Variants in ATP2A2 observed in about 807,000 individuals in gnomAD.
ATP2A2 encodes the protein sarcoplasmic/endoplasmic reticulum calcium ATPase 2.
A neutral mutation model predicts 109.3 loss-of-function variants in ATP2A2; 14 were observed. The observed-to-expected ratio is 0.13, with a 90% CI of 0.08 to 0.20. The LOEUF (loss-of-function observed/expected upper bound fraction) is 0.20, where lower values mean the gene tolerates loss of function less well. Among genes scored for constraint, ATP2A2 ranks in the 10% least tolerant of loss-of-function variants. The pLI, the probability that ATP2A2 is intolerant of heterozygous loss-of-function variation, is 1.00. For missense variants in ATP2A2, 657 were observed against 1,321.6 expected (o/e 0.50, Z 7.80); for synonymous variants, 506 against 490.9 (o/e 1.03, Z -0.41).
chr12:110,347,126 C>G lies in ATP2A2; in HGVS notation c.*656C>G. The G allele has an allele frequency of 8.5e-7, 1 of 1,171,322 alleles. No individual in the cohort carries two copies. The highest frequency in any genetic ancestry group is 1.6e-5 in the African/African-American group (1 of 61,684). 72.6% of individuals were successfully genotyped at this position (1,171,322 alleles called of 1,614,324 possible). A position where few individuals can be genotyped will look rare whatever the true frequency, so the allele number is the denominator to read the frequency against. On this transcript the variant is annotated 3_prime_UTR_variant, in exon 20 of 20. Transcript: ENST00000539276. Reference sequence around the variant, plus strand: ...ACATCAGTTTTAACGAGAGGTATGCCTGTACTCGCTTGTGCAGAAAACATT... The same window carrying G: ...ACATCAGTTTTAACGAGAGGTATGCGTGTACTCGCTTGTGCAGAAAACATT...
Position 110,315,908 on chromosome 12 carries a change from C to T in ATP2A2, c.464-7084C>T, listed in dbSNP as rs546865853. Reference sequence around the variant, plus strand: ...GAGCTGAGATCACGCCACTGTGCTCCAGCCTGGGTGACAGAGCAAACAAAC... The same window carrying T: ...GAGCTGAGATCACGCCACTGTGCTCTAGCCTGGGTGACAGAGCAAACAAAC... On this transcript the variant is annotated intron_variant, in intron 5 of 19. Transcript: ENST00000539276. 7.4e-4 allele frequency among the ~76,000 whole-genome samples: 112 copies of T among 152,300 alleles called. 1 individual carries two copies. The South Asian group carries it at 0.01, about 14-fold the overall frequency.
At chr12:110,344,804 T>G in intron 16 of ATP2A2, 82 bp from the exon 17 acceptor site, 3 of 1,349,938 alleles carry the variant, frequency 2.2e-6, no homozygotes, top group African/African-American at 1.4e-5. Context: ...ATCTTCGTCC[T>G]TGTGGGGACT....
At chr12:110,338,363 G>C (rs928924062) in intron 11 of ATP2A2, among the ~76,000 whole-genome samples, 1 of 152,236 alleles carries the variant, frequency 6.6e-6, no homozygotes, top group Non-Finnish European at 1.5e-5. Context: ...CAGAGTTCTG[G>C]TGGACAGCTC....
Position 110,333,458 on chromosome 12 carries a change from G to A in ATP2A2, c.1287+175G>A, listed in dbSNP as rs189317521. On this transcript the variant is annotated intron_variant, in intron 10 of 19. Transcript: ENST00000539276. ...CAGCATGACCTCACCAAAGAAAGCT[G>A]AGAGCCTTTCACATATCCTCTGTGA... Among the ~76,000 whole-genome samples, 338 of 152,304 alleles carry A rather than the reference G, an allele frequency of 2.2e-3. 3 individuals are homozygous for A. The highest frequency in any genetic ancestry group is 0.017 in the South Asian group (84 of 4,826).
In ATP2A2 at chr12:110,349,302, C is replaced by T. The variant is rs768148642; in HGVS notation, c.*2832C>T. 263 of 985,424 alleles carry T rather than the reference C, an allele frequency of 2.7e-4. 1 individual carries two copies. The highest frequency in any genetic ancestry group is 3.0e-4 in the Non-Finnish European group (253 of 830,020). The allele number at this position is 985,424 out of a possible 1,614,324, so 61.0% of individuals were successfully genotyped here. A position where few individuals can be genotyped will look rare whatever the true frequency, so the allele number is the denominator to read the frequency against. ...CAGTGAGGCAGCAGCTGCCCAGCCC[C>T]GCAATGTGCCTGCTGTCAGGCAGCT... On this transcript the variant is annotated 3_prime_UTR_variant, in exon 20 of 20. Coordinates refer to ENST00000539276, the MANE Select transcript of ATP2A2 (RefSeq NM_170665.4).
At chr12:110,315,180 G>GTA (rs1876540986) in intron 5 of ATP2A2, among the ~76,000 whole-genome samples, 1 of 152,084 alleles carries the variant, frequency 6.6e-6, no homozygotes, top group Non-Finnish European at 1.5e-5. Flanking sequence ...ACTGTTAACT[G>GTA]TATATATATC....
At position 110,346,685 on chromosome 12, in the gene ATP2A2, A is replaced by G. The variant is rs1879896534; in HGVS notation, c.*215A>G. On this transcript the variant is annotated 3_prime_UTR_variant, in exon 20 of 20. Coordinates refer to ENST00000539276, the MANE Select transcript of ATP2A2 (RefSeq NM_170665.4). The stretch of plus-strand genomic sequence containing the variant: ...AAAGTGTCCATTGACATGTACAGAG[A>G]ACTAACACTATTTTATGCAAATATT... The G allele has an allele frequency of 7.0e-7, 1 of 1,420,994 alleles. No individual in the cohort carries two copies. The highest frequency in any genetic ancestry group is 1.5e-5 in the South Asian group (1 of 65,438). 88.0% of individuals were successfully genotyped at this position (1,420,994 alleles called of 1,614,324 possible).
chr12:110,292,217 G>A, intron 4 of ATP2A2, 93 bp downstream of exon 4: 1 of 955,178 alleles, frequency 1.0e-6, no homozygotes, highest in South Asian at 1.3e-5. Context: ...TTCCTGATGT[G>A]TTGAGTAAAA....
chr12:110,326,513 T>C (rs781501530), intron 7 of ATP2A2, 38 bp downstream of exon 7: 5 of 1,536,050 alleles, frequency 3.3e-6, no homozygotes, highest in Non-Finnish European at 4.5e-6. Context: ...TTTACAGACA[T>C]TTCCAAAGCC....
In ATP2A2 at chr12:110,347,210, TTAAATGTC is replaced by T; in HGVS notation, c.*744_*751del. ...TCACATAGTTTTTAAGGTTATTTAT[TTAAATGTC>T]TAATGTATTTTATTGTAACAGACAT... On this transcript the variant is annotated 3_prime_UTR_variant, in exon 20 of 20. Transcript: ENST00000539276. 1 of 1,193,990 alleles carries T rather than the reference TTAAATGTC, an allele frequency of 8.4e-7. No homozygotes were observed. The highest frequency in any genetic ancestry group is 1.1e-6 in the Non-Finnish European group (1 of 945,190). 74.0% of individuals were successfully genotyped at this position (1,193,990 alleles called of 1,614,324 possible). A position where few individuals can be genotyped will look rare whatever the true frequency, so the allele number is the denominator to read the frequency against.
chr12:110,333,912 T>A (rs986061474), intron 10 of ATP2A2, 100 bp from the exon 11 acceptor site: 5 of 1,533,476 alleles, frequency 3.3e-6, no homozygotes, highest in Non-Finnish European at 3.6e-6. Context: ...AGTGTTGTAA[T>A]AGAGGACAGA....
At chr12:110,332,489 A>G in intron 8 of ATP2A2, 108 bp from the exon 9 acceptor site, 1 of 961,868 alleles carries the variant, frequency 1.0e-6, no homozygotes, top group African/African-American at 1.6e-5. Flanking sequence ...TTGTTTTCGT[A>G]AATGAAAGAG....
chr12:110,345,027 C>T (rs144625041), intron 17 of ATP2A2, 56 bp downstream of exon 17: 6 of 1,572,138 alleles, frequency 3.8e-6, no homozygotes, highest in African/African-American at 2.7e-5. Flanking sequence ...GAGGCCTTGA[C>T]CTTTCTGTGG....
intron 5 of ATP2A2, among the ~76,000 whole-genome samples, chr12:110,303,671 A>G (rs757691505): frequency 2.0e-5 from 3 of 152,090 alleles, no homozygotes; most frequent in African/African-American, 4.8e-5. Context: ...CGGCCTCCCA[A>G]AGTGCTGGGA....
At chr12:110,300,181 TCTC>T (rs1394810822) in intron 5 of ATP2A2, among the ~76,000 whole-genome samples, 5 of 91,982 alleles carry the variant, frequency 5.4e-5, no homozygotes, top group East Asian at 2.9e-4. Flanking sequence ...TTTCTCGCTC[TCTC>T]TTTTTTTTTT....
At chr12:110,304,298 T>C (rs946750782) in intron 5 of ATP2A2, among the ~76,000 whole-genome samples, 2 of 152,226 alleles carry the variant, frequency 1.3e-5, no homozygotes, top group Admixed American at 6.5e-5. Context: ...CTGTTAGGTA[T>C]GTACCTAAGC....
chr12:110,285,574 G>T (rs954413943), intron 3 of ATP2A2, among the ~76,000 whole-genome samples: 8 of 152,140 alleles, frequency 5.3e-5, no homozygotes, highest in African/African-American at 1.7e-4. Flanking sequence ...TAAAGCAAGG[G>T]GGTTTGGATA....
At chr12:110,312,260 A>G (rs1362263188) in intron 5 of ATP2A2, among the ~76,000 whole-genome samples, 2 of 152,178 alleles carry the variant, frequency 1.3e-5, no homozygotes, top group East Asian at 1.9e-4. Context: ...CTCTAACTTC[A>G]TGTGTGCAGG....
chr12:110,340,662 A>G lies in ATP2A2; in HGVS notation c.1765A>G (p.Asn589Asp), dbSNP rs781501700. The G allele has an allele frequency of 6.2e-7, 1 of 1,614,092 alleles. No homozygotes were observed. The highest frequency in any genetic ancestry group is 1.3e-5 in the African/African-American group (1 of 74,948). ...TAAAGTGATGCTCTTATTTTAGACC[A>G]ATCTGACCTTCGTTGGCTGCGTGGG... is the stretch of plus-strand genomic sequence containing the variant. ...DSANFIKYET[N>D]LTFVGCVGML... is the part of the protein sequence containing the mutation. The change falls in exon 14 of 20, where the codon AAT becomes GAT. Residue 589 changes from asparagine to aspartate, a missense_variant. Around this residue, in one of 9 missense-constraint regions of ATP2A2, gnomAD observed 180 missense variants for 329.1 expected, o/e 0.55. Coordinates refer to ENST00000539276, the MANE Select transcript of ATP2A2 (RefSeq NM_170665.4). The surrounding 1 kb of genome is among the most constrained non-coding windows in gnomAD (Gnocchi z 6.0).
Sources: allele counts gnomAD v4.1 joint callset (sites outside exome capture counted in the v4.1 genomes callset), GRCh38; gene constraint gnomAD v4.1.1; regional missense constraint gnomAD v4.1.1; non-coding constraint Gnocchi (gnomAD v3.1); transcripts MANE v1.5; gene names NCBI Gene and HGNC (gene_info 2026-07-23, HGNC 2026-07-21).